TRPC1: variants seen among roughly 807,000 people sequenced by gnomAD.
TRPC1 encodes transient receptor potential cation channel subfamily C member 1.
In TRPC1, 42 loss-of-function variants were observed where a neutral mutation model predicts 88.2. The observed-to-expected ratio is 0.48, with a 90% confidence interval of 0.37 to 0.62. TRPC1 has a LOEUF of 0.62. Ranked by LOEUF, TRPC1 falls within the 20% of genes least tolerant of loss-of-function variation. TRPC1 has a pLI of 0.00. For missense variants in TRPC1, 699 were observed against 957.3 expected (o/e 0.73, Z 3.56); for synonymous variants, 288 against 331.8 (o/e 0.87, Z 1.43).
chr3:142,746,295 A>G (rs962242834), intron 3 of TRPC1, among the ~76,000 whole-genome samples: 4 of 152,198 alleles, frequency 2.6e-5, no homozygotes, highest in Non-Finnish European at 4.4e-5. Flanking sequence ...AGATTATATT[A>G]TGAACAATGG....
chr3:142,777,710 A>G lies in TRPC1; in HGVS notation c.711A>G (p.Ala237=), dbSNP rs1935830412. 2 of 1,613,294 alleles carry G rather than the reference A, an allele frequency of 1.2e-6. No individual in the cohort carries two copies. The highest frequency in any genetic ancestry group is 1.3e-5 in the African/African-American group (1 of 74,916). Residue 237 remains alanine, a synonymous_variant, in exon 5 of 13, where the codon GCA becomes GCG. Transcript: ENST00000476941. ...CAGAGGAGGATCCAATTCTGAGAGC[A>G]TTTGAACTTAGTGCTGATTTAAAAG... is the stretch of plus-strand genomic sequence containing the variant. The part of the protein sequence containing the change: ...MLTEEDPILR[A]FELSADLKEL...
At chr3:142,731,654 G>A (rs1409342592) in intron 1 of TRPC1, among the ~76,000 whole-genome samples, 1 of 151,934 alleles carries the variant, frequency 6.6e-6, no homozygotes, top group East Asian at 1.9e-4. Context: ...AAAGTGCTGG[G>A]ATTACAGGCA....
chr3:142,800,939 C>T (rs1054603711), intron 9 of TRPC1, among the ~76,000 whole-genome samples: 4 of 150,996 alleles, frequency 2.6e-5, no homozygotes, highest in African/African-American at 9.7e-5. Context: ...AAAAAAAAGT[C>T]TCCCTACTAT....
chr3:142,745,281 G>A (rs1371757176), intron 3 of TRPC1, among the ~76,000 whole-genome samples: 1 of 152,280 alleles, frequency 6.6e-6, no homozygotes, highest in African/African-American at 2.4e-5. Flanking sequence ...TTTCCTGGGG[G>A]AAGGGTGGGG....
intron 1 of TRPC1, among the ~76,000 whole-genome samples, chr3:142,725,790 TG>T (rs1329759779): frequency 2.6e-5 from 4 of 152,338 alleles, no homozygotes; most frequent in African/African-American, 9.6e-5. Flanking sequence ...TTTGTATGTG[TG>T]AATGTGTAAT....
rs746071341 is a variant in TRPC1 at position 142,777,724 on chromosome 3, C to A, written c.725C>A (p.Ala242Asp). ...DPILRAFELS[A>D]DLKELSLVEV... The stretch of plus-strand genomic sequence containing the variant: ...ATTCTGAGAGCATTTGAACTTAGTG[C>A]TGATTTAAAAGAACTAAGTCTTGTG... Residue 242 changes from alanine (A) to aspartate (D), a missense_variant, in exon 5 of 13, where the codon GCT becomes GAT. Physicochemically the swap from Ala to Asp is moderately radical, Grantham distance 126. This residue lies in a region of TRPC1 where 426 missense variants were observed against 641.3 expected (regional missense o/e 0.66). Coordinates refer to ENST00000476941, the MANE Select transcript of TRPC1 (RefSeq NM_001251845.2). The A allele has an allele frequency of 1.2e-6, 2 of 1,612,866 alleles. No individual in the cohort carries two copies. Among genetic ancestry groups the A allele is most frequent in the Non-Finnish European group, 1.7e-6 (2 of 1,179,196 alleles).
At chr3:142,796,699 C>T (rs942475263) in intron 9 of TRPC1, among the ~76,000 whole-genome samples, 1 of 152,056 alleles carries the variant, frequency 6.6e-6, no homozygotes, top group Admixed American at 6.6e-5. Context: ...ACAAACAACA[C>T]AGTATCTGTG....
At chr3:142,751,459 T>C (rs1934760814) in intron 4 of TRPC1, among the ~76,000 whole-genome samples, 2 of 152,360 alleles carry the variant, frequency 1.3e-5, no homozygotes, top group Admixed American at 1.3e-4. Flanking sequence ...CCTAGGTATT[T>C]AATGGGCTAT....
intron 4 of TRPC1, among the ~76,000 whole-genome samples, chr3:142,765,787 G>T (rs9827373): frequency 4.6e-5 from 7 of 152,012 alleles, no homozygotes; most frequent in Non-Finnish European, 1.0e-4. Context: ...ATAAACAGAT[G>T]ATCTATAGAA....
chr3:142,729,629 G>A (rs1933817211), intron 1 of TRPC1, among the ~76,000 whole-genome samples: 1 of 152,116 alleles, frequency 6.6e-6, no homozygotes. Context: ...GGAAGAGTGT[G>A]AAAAGATTAA....
intron 2 of TRPC1, among the ~76,000 whole-genome samples, chr3:142,738,993 T>C (rs928529016): frequency 1.3e-5 from 2 of 152,134 alleles, no homozygotes; most frequent in African/African-American, 4.8e-5. Context: ...TTTTTTGAGA[T>C]GGAGTTTCGC....
rs1165319144 is a variant in TRPC1, at chr3:142,736,473, C to T, written c.267C>T (p.Thr89=). ...CVDVLGRNAV[T]ITIENENLDI... is the part of the protein sequence containing the mutation. ...ATGTGCTTGGGAGAAATGCTGTTAC[C>T]ATAACTATTGAAAACGAAAACTTGG... Residue 89 remains threonine (T), a synonymous_variant, in exon 2 of 13, where the codon ACC becomes ACT. Transcript: ENST00000476941. 1.9e-6 allele frequency: 3 copies of T among 1,612,202 alleles called. No individual in the cohort carries two copies. The highest frequency in any genetic ancestry group is 2.2e-5 in the East Asian group (1 of 44,668).
chr3:142,801,568 T>A (rs991346965), intron 9 of TRPC1, among the ~76,000 whole-genome samples: 12 of 152,130 alleles, frequency 7.9e-5, no homozygotes, highest in Non-Finnish European at 1.8e-4. Flanking sequence ...ATGTCTAAAC[T>A]ACAAAAGATA....
Position 142,806,180 on chromosome 3 carries a change from G to C in TRPC1, c.2327G>C (p.Arg776Thr). The C allele has an allele frequency of 6.2e-7, 1 of 1,613,458 alleles. No homozygotes were observed. Among genetic ancestry groups the C allele is most frequent in the Non-Finnish European group, 8.5e-7 (1 of 1,179,566 alleles). Reference protein sequence around the residue: ...QDLSKFRNEIRDLLGFRTSKY... With the variant: ...QDLSKFRNEITDLLGFRTSKY... ...CTGTCAAAATTCCGAAATGAAATAAGGGATTTACTTGGCTTTCGGACTTCT... is the reference window on the plus strand; with the variant it reads ...CTGTCAAAATTCCGAAATGAAATAACGGATTTACTTGGCTTTCGGACTTCT... The change falls in exon 13 of 13, where the codon AGG (arginine) becomes ACG (threonine). Residue 776 changes from arginine (R) to threonine (T), a missense_variant. Coordinates refer to ENST00000476941, the MANE Select transcript of TRPC1 (RefSeq NM_001251845.2).
Position 142,802,158 on chromosome 3 carries a change from A to G in TRPC1, c.1582-11A>G. 7.1e-6 allele frequency: 11 copies of G among 1,540,106 alleles called. No homozygotes were observed. Among genetic ancestry groups the G allele is most frequent in the Non-Finnish European group, 9.6e-6 (11 of 1,149,358 alleles). On this transcript the variant is annotated splice_polypyrimidine_tract_variant and intron_variant, in intron 9 of 12. Coordinates refer to ENST00000476941, the MANE Select transcript of TRPC1 (RefSeq NM_001251845.2). Reference sequence around the variant, plus strand: ...TAATCTTAATGAACACCTGTGTAATATATTCCACAGATTTCAATGGGACAG... The same window carrying G: ...TAATCTTAATGAACACCTGTGTAATGTATTCCACAGATTTCAATGGGACAG...
rs1298556660 is a variant in TRPC1 at position 142,804,057 on chromosome 3, A to G, written c.1838A>G (p.Tyr613Cys). ...GCAATCTTTGTCACAAGATTTAGCT[A>G]TGGAGAAGAACTGCAGTCCTTTGTG... is the stretch of plus-strand genomic sequence containing the variant. ...HVAIFVTRFS[Y>C]GEELQSFVGA... The change falls in exon 11 of 13, where the codon TAT becomes TGT. Residue 613 changes from tyrosine to cysteine, a missense_variant. Physicochemically the swap from Tyr to Cys is radical, Grantham distance 194. This residue lies in a region of TRPC1 where 426 missense variants were observed against 641.3 expected (regional missense o/e 0.66). Coordinates refer to ENST00000476941, the MANE Select transcript of TRPC1 (RefSeq NM_001251845.2). The G allele has an allele frequency of 3.1e-6, 5 of 1,613,844 alleles. No individual in the cohort carries two copies. The highest frequency in any genetic ancestry group is 1.1e-5 in the South Asian group (1 of 91,076).
intron 5 of TRPC1, 139 bp from the exon 6 acceptor site, chr3:142,780,695 T>C (rs1577992302): frequency 1.1e-6 from 1 of 877,066 alleles, no homozygotes. Flanking sequence ...TTTCCTTTGA[T>C]TATCCACAGA....
intron 5 of TRPC1, among the ~76,000 whole-genome samples, chr3:142,779,896 G>A (rs1935906330): frequency 7.2e-6 from 1 of 139,494 alleles, no homozygotes; most frequent in Non-Finnish European, 1.5e-5. Context: ...GACCCAGGCT[G>A]GAGGGCAGTG....
At chr3:142,730,592 A>G (rs1187080584) in intron 1 of TRPC1, among the ~76,000 whole-genome samples, 2 of 148,926 alleles carry the variant, frequency 1.3e-5, no homozygotes, top group Non-Finnish European at 3.0e-5. Context: ...TTTCACTGTA[A>G]AAAGTCTGCA....
Sources: gnomAD v4.1 joint callset for allele counts (sites outside exome capture counted in the v4.1 genomes callset) on GRCh38, gnomAD v4.1.1 for gene constraint, gnomAD v4.1.1 regional missense constraint, MANE v1.5 for transcripts, NCBI Gene and HGNC (gene_info 2026-07-23, HGNC 2026-07-21) for gene names.